The following LCA5 variants were observed in gnomAD, a reference collection of about 807,000 sequenced individuals.
LCA5 encodes lebercilin.
Under a neutral mutation model 53.0 loss-of-function variants are expected in LCA5, and 37 were observed. That is an observed-to-expected ratio of 0.70 (90% CI 0.54 to 0.92). The LOEUF (loss-of-function observed/expected upper bound fraction) is 0.92. Ranked by LOEUF, LCA5 falls within the 40% of genes least tolerant of loss-of-function variation. The pLI is 0.00. For missense variants in LCA5, 806 were observed against 790.5 expected, an observed-to-expected ratio of 1.02 and a Z score of -0.23; for synonymous variants, 303 against 282.9, an observed-to-expected ratio of 1.07 and a Z score of -0.71.
In LCA5 at chr6:79,485,271, T is replaced by A. The variant is rs1769616057; in HGVS notation, c.*1733A>T. 1 of 152,442 alleles carries A rather than the reference T, an allele frequency of 6.6e-6. No homozygotes were observed. The highest frequency in any genetic ancestry group is 1.5e-5 in the Non-Finnish European group (1 of 67,930). The allele number at this position is 152,442 out of a possible 1,614,324, so 9.4% of individuals were successfully genotyped here. On this transcript the variant is annotated 3_prime_UTR_variant, in exon 8 of 8. Coordinates refer to ENST00000369846, the MANE Select transcript of LCA5 (RefSeq NM_001122769.3). The stretch of plus-strand genomic sequence containing the variant: ...AAATGACGTGAATAAAAAACTTAAC[T>A]AAAAAGTTTTAAAAGCCTTTAAAAC...
Position 79,487,322 on chromosome 6 carries a change from T to C in LCA5, c.1776A>G (p.Val592=). 6.2e-7 allele frequency: 1 copy of C among 1,614,036 alleles called. No individual in the cohort carries two copies. Among genetic ancestry groups the C allele is most frequent in the Non-Finnish European group, 8.5e-7 (1 of 1,179,888 alleles). Residue 592 remains valine (V), a synonymous_variant, in exon 8 of 8, where the codon GTA becomes GTG. Coordinates refer to ENST00000369846, the MANE Select transcript of LCA5 (RefSeq NM_001122769.3). The part of the protein sequence containing the change: ...NSMEKLSKDG[V]DLITRKEKKA... ...TTTTCTCTTTTCTTGTAATTAAATC[T>C]ACACCATCTTTACTAAGTTTTTCCA... is the stretch of plus-strand genomic sequence containing the variant.
intron 2 of LCA5, among the ~76,000 whole-genome samples, chr6:79,517,058 G>A (rs973277754): frequency 7.9e-5 from 12 of 151,952 alleles, no homozygotes; most frequent in Admixed American, 3.9e-4. Context: ...CCGAAAATTC[G>A]TTTAAAATGC....
Position 79,487,540 on chromosome 6 carries a change from T to C in LCA5, c.1558A>G (p.Asn520Asp). ...RFSESSERLF[N>D]GHHLQDISFS... Reference sequence around the variant, plus strand: ...CTGATGTCTTGCAAATGATGCCCATTAAATAATCTCTCTGAGGATTCAGAG... The same window carrying C: ...CTGATGTCTTGCAAATGATGCCCATCAAATAATCTCTCTGAGGATTCAGAG... The change falls in exon 8 of 8, where the codon AAT becomes GAT. Residue 520 changes from asparagine (N) to aspartate (D), a missense_variant. By Grantham distance (23) the Asn-to-Asp change is conservative (BLOSUM62 1). Coordinates refer to ENST00000369846, the MANE Select transcript of LCA5 (RefSeq NM_001122769.3). 1 of 1,614,064 alleles carries C rather than the reference T, an allele frequency of 6.2e-7. No individual in the cohort carries two copies. The highest frequency in any genetic ancestry group is 1.3e-5 in the African/African-American group (1 of 75,054).
At chr6:79,502,714 CA>C (rs1451441833) in intron 3 of LCA5, among the ~76,000 whole-genome samples, 1 of 151,806 alleles carries the variant, frequency 6.6e-6, no homozygotes, top group Non-Finnish European at 1.5e-5. Flanking sequence ...TGAAAAAACA[CA>C]AAATATACTA....
chr6:79,515,822 TGGGA>T (rs991176863), intron 2 of LCA5, among the ~76,000 whole-genome samples: 2 of 152,068 alleles, frequency 1.3e-5, no homozygotes, highest in Non-Finnish European at 2.9e-5. Flanking sequence ...TGTACTGATT[TGGGA>T]TTCCAGCTCT....
At chr6:79,509,053 G>A (rs909265861) in intron 3 of LCA5, among the ~76,000 whole-genome samples, 4 of 152,148 alleles carry the variant, frequency 2.6e-5, no homozygotes, top group Non-Finnish European at 4.4e-5. Flanking sequence ...AAAAAGTAGA[G>A]AACAATTACC....
rs754950803 is a variant in LCA5, at chr6:79,492,605, G to A, written c.901C>T (p.Arg301Cys). ...TTATTTGGAGAGGACTTTGGCAGAC[G>A]ATTAGAATATATATTTTTTATATCC... ...ELDIKNIYSN[R>C]LPKSSPNKEK... Residue 301 changes from arginine to cysteine, a missense_variant, in exon 5 of 8, where the codon CGT becomes TGT. Physicochemically the swap from Arg to Cys is radical, Grantham distance 180. Coordinates refer to ENST00000369846, the MANE Select transcript of LCA5 (RefSeq NM_001122769.3). 5 of 1,567,758 alleles carry A rather than the reference G, an allele frequency of 3.2e-6. No homozygotes were observed. The South Asian group carries it at 3.4e-5, about 11-fold the overall frequency.
intron 6 of LCA5, among the ~76,000 whole-genome samples, chr6:79,489,580 T>C (rs925378081): frequency 3.9e-5 from 6 of 152,148 alleles, no homozygotes; most frequent in African/African-American, 1.4e-4. Flanking sequence ...TCGCCAACTA[T>C]GTGCATCAAG....
In LCA5 at chr6:79,487,890, A is replaced by G. The variant is rs765849586; in HGVS notation, c.1232-24T>C. 3 of 1,568,026 alleles carry G rather than the reference A, an allele frequency of 1.9e-6. No individual in the cohort carries two copies. In the Admixed American group the frequency reaches 5.3e-5, roughly 28 times the overall value. On this transcript the variant is annotated intron_variant, in intron 7 of 7. Coordinates refer to ENST00000369846, the MANE Select transcript of LCA5 (RefSeq NM_001122769.3). ...TTCTGTATGAAATCAAATTTTTTAA[A>G]TGGGATTTTGTAACAGTCAATATTT...
intron 2 of LCA5, among the ~76,000 whole-genome samples, chr6:79,516,274 T>G (rs924108444): frequency 2.6e-5 from 4 of 151,918 alleles, no homozygotes; most frequent in Admixed American, 2.0e-4. Context: ...TCCCAACATA[T>G]GTAGTTAATG....
At chr6:79,511,057 CAA>C (rs201506875) in intron 3 of LCA5, among the ~76,000 whole-genome samples, 1 of 143,072 alleles carries the variant, frequency 7.0e-6, no homozygotes, top group Non-Finnish European at 1.5e-5. Flanking sequence ...GAAAAAAATA[CAA>C]AAAAAAAAGA....
At chr6:79,527,004 CT>C (rs1485187937) in intron 1 of LCA5, among the ~76,000 whole-genome samples, 2 of 152,194 alleles carry the variant, frequency 1.3e-5, no homozygotes, top group Non-Finnish European at 2.9e-5. Context: ...CAAACTCCGC[CT>C]CTTAAGTTTG....
At chr6:79,515,196 TA>T (rs1033117967) in intron 2 of LCA5, among the ~76,000 whole-genome samples, 2 of 151,842 alleles carry the variant, frequency 1.3e-5, no homozygotes, top group African/African-American at 4.8e-5. Context: ...ACCCAGCCCA[TA>T]GAAAGAAGAC....
chr6:79,490,646 T>C (rs1769811979), intron 6 of LCA5, among the ~76,000 whole-genome samples: 1 of 152,112 alleles, frequency 6.6e-6, no homozygotes. Context: ...ACTTAGCGGA[T>C]ACAACTAACT....
intron 1 of LCA5, among the ~76,000 whole-genome samples, chr6:79,520,549 A>G (rs888524384): frequency 6.6e-6 from 1 of 152,174 alleles, no homozygotes; most frequent in Admixed American, 6.5e-5. Context: ...TTATAATCCA[A>G]TTTAGAAGAA....
At chr6:79,493,148 A>G (rs1338534980) in intron 4 of LCA5, among the ~76,000 whole-genome samples, 1 of 152,178 alleles carries the variant, frequency 6.6e-6, no homozygotes, top group Non-Finnish European at 1.5e-5. Flanking sequence ...CATTCTATCT[A>G]GAACTCATTG....
upstream of LCA5, among the ~76,000 whole-genome samples, chr6:79,537,647 T>C (rs1767196384): frequency 6.6e-6 from 1 of 152,172 alleles, no homozygotes; most frequent in Non-Finnish European, 1.5e-5. Context: ...TCCTACGGGC[T>C]GTGCGGTGCC....
At chr6:79,535,757 A>T (rs1208718038) in intron 1 of LCA5, among the ~76,000 whole-genome samples, 2 of 152,224 alleles carry the variant, frequency 1.3e-5, no homozygotes, top group Admixed American at 1.3e-4. Flanking sequence ...AATAAAACAC[A>T]AATAGTGTAA....
chr6:79,487,310 T>C lies in LCA5; in HGVS notation c.1788A>G (p.Thr596=), dbSNP rs1404363423. 6.2e-7 allele frequency: 1 copy of C among 1,613,590 alleles called. No homozygotes were observed. Among genetic ancestry groups the C allele is most frequent in the Admixed American group, 1.7e-5 (1 of 59,970 alleles). ...TCAAATTAGCTTTTTTCTCTTTTCT[T>C]GTAATTAAATCTACACCATCTTTAC... ...KLSKDGVDLI[T]RKEKKANLME... The change falls in exon 8 of 8, where the codon ACA becomes ACG. Residue 596 remains threonine, a synonymous_variant. Coordinates refer to ENST00000369846, the MANE Select transcript of LCA5 (RefSeq NM_001122769.3).
Sources: allele counts gnomAD v4.1 joint callset (sites outside exome capture counted in the v4.1 genomes callset), GRCh38; gene constraint gnomAD v4.1.1; transcripts MANE v1.5; gene names NCBI Gene and HGNC (gene_info 2026-07-23, HGNC 2026-07-21).